PIK3CB: variants seen among roughly 807,000 people sequenced by gnomAD.
The protein encoded by PIK3CB is phosphatidylinositol-4,5-bisphosphate 3-kinase catalytic subunit beta.
In PIK3CB, 39 loss-of-function variants were observed where a neutral mutation model predicts 136.8. The observed-to-expected ratio is 0.29, with a 90% CI of 0.22 to 0.37. The LOEUF is 0.37. Ranked by LOEUF, PIK3CB falls within the 10% of genes least tolerant of loss-of-function variation. PIK3CB has a pLI of 1.00. For missense variants in PIK3CB, 868 were observed against 1,275.4 expected (o/e 0.68, Z 4.87); for synonymous variants, 428 against 436.6 (o/e 0.98, Z 0.25).
At chr3:138,737,299 A>G (rs1174907049) in intron 6 of PIK3CB, among the ~76,000 whole-genome samples, 2 of 149,112 alleles carry the variant, frequency 1.3e-5, no homozygotes, top group Non-Finnish European at 3.0e-5. Context: ...TGGCTGAGGC[A>G]CAAGAATTGC....
intron 8 of PIK3CB, among the ~76,000 whole-genome samples, chr3:138,732,716 A>G (rs575350897): frequency 5.7e-4 from 63 of 110,976 alleles, no homozygotes; most frequent in African/African-American, 1.9e-3. Context: ...AAAAGGAAAG[A>G]AAAGAAAAAA....
chr3:138,683,834 G>T (rs758867081), intron 17 of PIK3CB, 47 bp from the exon 18 acceptor site: 1 of 959,618 alleles, frequency 1.0e-6, no homozygotes, highest in African/African-American at 1.6e-5. Context: ...TAATGATACA[G>T]AAGATTATAA....
chr3:138,672,278 A>G (rs1164533199), intron 19 of PIK3CB, among the ~76,000 whole-genome samples: 1 of 152,132 alleles, frequency 6.6e-6, no homozygotes, highest in Non-Finnish European at 1.5e-5. Context: ...AGAAAAAAAA[A>G]AAGTTTCATG....
chr3:138,694,941 G>C lies in PIK3CB; in HGVS notation c.1771-34C>G, dbSNP rs367774675. 5.4e-5 allele frequency: 85 copies of C among 1,580,506 alleles called. No individual in the cohort carries two copies. In the Middle Eastern group the frequency reaches 4.2e-3, roughly 79 times the overall value. On this transcript the variant is annotated intron_variant, in intron 13 of 23. Coordinates refer to ENST00000674063, the MANE Select transcript of PIK3CB (RefSeq NM_006219.3). ...AAAATGAAACTGGTTCAGAAATAAT[G>C]GGGGACAAAAGTAATCTAATTTTCC...
intron 2 of PIK3CB, among the ~76,000 whole-genome samples, chr3:138,763,623 T>A (rs1472830645): frequency 1.3e-5 from 2 of 151,850 alleles, no homozygotes; most frequent in African/African-American, 4.8e-5. Flanking sequence ...ACTAGAAAAA[T>A]AAAACTCTGG....
rs760416244 is a variant in PIK3CB, at chr3:138,654,536, T to C, written c.*853A>G. The C allele has an allele frequency of 1.8e-4, 42 of 227,994 alleles. No individual in the cohort carries two copies. The highest frequency in any genetic ancestry group is 2.9e-4 in the Non-Finnish European group (33 of 114,886). 14.1% of individuals were successfully genotyped at this position (227,994 alleles called of 1,614,324 possible). A position where few individuals can be genotyped will look rare whatever the true frequency, so the allele number is the denominator to read the frequency against. ...ATACATTTGCTCAAGTATTATTCTC[T>C]ATGAAGTGAACTCTTTCATAGATAC... is the stretch of plus-strand genomic sequence containing the variant. On this transcript the variant is annotated 3_prime_UTR_variant, in exon 24 of 24. Transcript: ENST00000674063.
At chr3:138,830,203 T>C (rs930724659) in intron 1 of PIK3CB, among the ~76,000 whole-genome samples, 5 of 152,094 alleles carry the variant, frequency 3.3e-5, no homozygotes, top group East Asian at 1.9e-4. Flanking sequence ...TGTGATTTTC[T>C]AGTACACCAC....
intron 1 of PIK3CB, among the ~76,000 whole-genome samples, chr3:138,802,101 C>T (rs150368041): frequency 4.2e-4 from 63 of 151,394 alleles, no homozygotes; most frequent in African/African-American, 1.5e-3. Context: ...GAGCCAGGCA[C>T]AGTGGCTCAC....
intron 16 of PIK3CB, among the ~76,000 whole-genome samples, chr3:138,688,198 T>C (rs1226507899): frequency 6.6e-6 from 1 of 151,936 alleles, no homozygotes; most frequent in Non-Finnish European, 1.5e-5. Flanking sequence ...ATTAGGAATC[T>C]GATATAAAAA....
At chr3:138,787,718 TTC>T (rs973761939) in intron 2 of PIK3CB, among the ~76,000 whole-genome samples, 2 of 150,522 alleles carry the variant, frequency 1.3e-5, no homozygotes, top group African/African-American at 2.5e-5. Context: ...AACAAATGTA[TTC>T]TTTTTTTTTT....
intron 4 of PIK3CB, among the ~76,000 whole-genome samples, chr3:138,754,074 T>C (rs1036178603): frequency 6.6e-6 from 1 of 152,202 alleles, no homozygotes; most frequent in African/African-American, 2.4e-5. Context: ...ATTTTTTTTC[T>C]TTCTTTCTCC....
At chr3:138,828,745 G>C (rs936579342) in intron 1 of PIK3CB, among the ~76,000 whole-genome samples, 3 of 151,836 alleles carry the variant, frequency 2.0e-5, no homozygotes, top group African/African-American at 7.3e-5. Context: ...CTCCAGCTTA[G>C]GCAGCATAAG....
rs2046118981 is a variant in PIK3CB, at chr3:138,797,222, GCCAACAAAACTGGAATAA to G, written c.-121-673_-121-656del. On this transcript the variant is annotated intron_variant, in intron 1 of 23. Transcript: ENST00000674063. ...TCCTGACTATGATGCTTTGAATGTTGCCAACAAAACTGGAATAACCAAAACTGAGCTCAGCTGGCAAAT... is the reference window on the plus strand; with the variant it reads ...TCCTGACTATGATGCTTTGAATGTTGCCAAAACTGAGCTCAGCTGGCAAAT... The G allele has an allele frequency of 2.0e-5, 3 of 152,322 alleles. No individual in the cohort carries two copies. The South Asian group carries it at 6.2e-4, about 32-fold the overall frequency. The allele number at this position is 152,322 out of a possible 1,614,324, so 9.4% of individuals were successfully genotyped here.
chr3:138,727,347 AT>A (rs2044861618), intron 8 of PIK3CB, among the ~76,000 whole-genome samples: 1 of 152,236 alleles, frequency 6.6e-6, no homozygotes, highest in Non-Finnish European at 1.5e-5. Context: ...AGACTGACTT[AT>A]TTGTTGAACC....
chr3:138,773,019 G>A (rs549837721), intron 2 of PIK3CB, among the ~76,000 whole-genome samples: 6 of 151,668 alleles, frequency 4.0e-5, no homozygotes, highest in South Asian at 2.1e-4. Context: ...AACTCCTAAC[G>A]TCAAGAGATC....
intron 10 of PIK3CB, among the ~76,000 whole-genome samples, chr3:138,708,606 T>C (rs2044429331): frequency 6.6e-6 from 1 of 151,492 alleles, no homozygotes; most frequent in Non-Finnish European, 1.5e-5. Context: ...TTTTTTTTTT[T>C]TTAATCTTCC....
At chr3:138,718,810 C>A (rs1230946901) in intron 8 of PIK3CB, among the ~76,000 whole-genome samples, 4 of 152,164 alleles carry the variant, frequency 2.6e-5, no homozygotes, top group African/African-American at 9.7e-5. Flanking sequence ...AGTCTTTTCC[C>A]CACTGCTTGT....
At chr3:138,719,235 ATTTTTTTTTTTTTT>A (rs34980826) in intron 8 of PIK3CB, among the ~76,000 whole-genome samples, 1,783 of 69,772 alleles carry the variant, frequency 0.026, 56 homozygotes, top group Middle Eastern at 0.11. Context: ...TTAGCTCAGT[ATTTTTTTTTTTTTT>A]TTTTTTTTTT....
chr3:138,656,848 G>A (rs997022668), intron 22 of PIK3CB, among the ~76,000 whole-genome samples: 15 of 152,010 alleles, frequency 9.9e-5, no homozygotes, highest in African/African-American at 3.6e-4. Flanking sequence ...TTGGCTCACT[G>A]CAACTTCTGC....
Sources: gnomAD v4.1 joint callset for allele counts (sites outside exome capture counted in the v4.1 genomes callset) on GRCh38, gnomAD v4.1.1 for gene constraint, MANE v1.5 for transcripts, NCBI Gene and HGNC (gene_info 2026-07-23, HGNC 2026-07-21) for gene names.